Variants in PPM1L observed in about 807,000 individuals in gnomAD.
The protein encoded by PPM1L is protein phosphatase, Mg2+/Mn2+ dependent 1L.
A neutral mutation model predicts 31.4 loss-of-function variants in PPM1L; 13 were observed. That is an observed-to-expected ratio of 0.41 (90% CI 0.27 to 0.66). The LOEUF is 0.66. Among genes scored for constraint, PPM1L ranks in the 30% least tolerant of loss-of-function variants. PPM1L has a pLI of 0.29. For synonymous variants in PPM1L, 184 were observed against 175.4 expected (o/e 1.05, Z -0.39); for missense variants, 326 against 453.7 (o/e 0.72, Z 2.56).
intron 2 of PPM1L, among the ~76,000 whole-genome samples, chr3:160,978,646 A>G (rs1397214829): frequency 6.6e-6 from 1 of 152,036 alleles, no homozygotes; most frequent in Non-Finnish European, 1.5e-5. Context: ...CCTGGGTAAC[A>G]TGGTGAAACC....
At chr3:160,992,352 C>T (rs138637878) in intron 2 of PPM1L, among the ~76,000 whole-genome samples, 182 of 152,212 alleles carry the variant, frequency 1.2e-3, no homozygotes, top group Non-Finnish European at 2.1e-3. Context: ...ACAGAGGACA[C>T]GAACACCATT....
intron 1 of PPM1L, among the ~76,000 whole-genome samples, chr3:160,957,419 A>G (rs2108104207): frequency 6.6e-6 from 1 of 152,306 alleles, no homozygotes; most frequent in South Asian, 2.1e-4. Flanking sequence ...GTATATACCC[A>G]GTAATGGGAT....
At chr3:160,915,227 A>G (rs1267710740) in intron 1 of PPM1L, among the ~76,000 whole-genome samples, 1 of 152,198 alleles carries the variant, frequency 6.6e-6, no homozygotes, top group Admixed American at 6.5e-5. Flanking sequence ...ATACAAAATC[A>G]ATGTGCAAAA....
At chr3:160,811,760 C>G (rs1712813038) in intron 1 of PPM1L, among the ~76,000 whole-genome samples, 1 of 152,102 alleles carries the variant, frequency 6.6e-6, no homozygotes, top group Non-Finnish European at 1.5e-5. Context: ...CTCTCTAAGC[C>G]CCAGAGTCCT....
At chr3:160,968,252 A>G (rs933223161) in intron 2 of PPM1L, among the ~76,000 whole-genome samples, 14 of 152,228 alleles carry the variant, frequency 9.2e-5, no homozygotes, top group African/African-American at 3.4e-4. Flanking sequence ...AATACTAAGC[A>G]AAATCCAGAG....
chr3:160,765,432 C>T (rs1388358370), intron 1 of PPM1L, among the ~76,000 whole-genome samples: 1 of 152,176 alleles, frequency 6.6e-6, no homozygotes, highest in African/African-American at 2.4e-5. Flanking sequence ...AGTTGTGTCT[C>T]TGTGACAGGT....
chr3:160,856,715 A>G (rs1711717361), intron 1 of PPM1L, among the ~76,000 whole-genome samples: 1 of 152,010 alleles, frequency 6.6e-6, no homozygotes, highest in African/African-American at 2.4e-5. Flanking sequence ...CATGCTTATT[A>G]CCTGGTGATG....
intron 1 of PPM1L, among the ~76,000 whole-genome samples, chr3:160,793,661 T>TG (rs2108074195): frequency 6.6e-6 from 1 of 152,296 alleles, no homozygotes; most frequent in South Asian, 2.1e-4. Flanking sequence ...AGGTGAACTT[T>TG]GGGGATATGA....
chr3:160,847,943 C>T (rs1382315648), intron 1 of PPM1L, among the ~76,000 whole-genome samples: 1 of 152,120 alleles, frequency 6.6e-6, no homozygotes, highest in Non-Finnish European at 1.5e-5. Context: ...GTGTTTCTGA[C>T]TCTGTCCTCT....
At position 160,979,584 on chromosome 3, in the gene PPM1L, C is replaced by A. The variant is rs190373613; in HGVS notation, c.574+17674C>A. ...GAATGAAATAACATTATTCAATGAC[C>A]TGCTATATGTAAAAATTAGTTACCT... On this transcript the variant is annotated intron_variant, in intron 2 of 3. Coordinates refer to ENST00000498165, the MANE Select transcript of PPM1L (RefSeq NM_139245.4). Among the ~76,000 whole-genome samples the A allele has an allele frequency of 1.2e-3, 181 of 152,044 alleles. 2 individuals carry two copies. Among genetic ancestry groups the A allele is most frequent in the Non-Finnish European group, 2.0e-3 (134 of 67,970 alleles).
At chr3:160,874,260 G>A (rs1236863567) in intron 1 of PPM1L, among the ~76,000 whole-genome samples, 1 of 152,140 alleles carries the variant, frequency 6.6e-6, no homozygotes, top group Non-Finnish European at 1.5e-5. Context: ...TTTAGCAGTG[G>A]TGGTGTTGAG....
chr3:160,881,845 A>G (rs1443597869), intron 1 of PPM1L, among the ~76,000 whole-genome samples: 2 of 152,086 alleles, frequency 1.3e-5, no homozygotes, highest in Non-Finnish European at 2.9e-5. Flanking sequence ...AGGTCAGGAG[A>G]TTGAGACCAT....
chr3:160,912,337 T>G (rs1363132096), intron 1 of PPM1L, among the ~76,000 whole-genome samples: 1 of 152,222 alleles, frequency 6.6e-6, no homozygotes, highest in Non-Finnish European at 1.5e-5. Flanking sequence ...CTTTTATATC[T>G]GTTGGTGTTG....
At chr3:161,017,821 A>G (rs1267199968) in intron 2 of PPM1L, among the ~76,000 whole-genome samples, 1 of 152,180 alleles carries the variant, frequency 6.6e-6, no homozygotes, top group African/African-American at 2.4e-5. Context: ...GAGTAGGGAA[A>G]TACAGGGGAA....
intron 1 of PPM1L, among the ~76,000 whole-genome samples, chr3:160,763,826 A>G (rs1036369840): frequency 6.6e-6 from 1 of 152,158 alleles, no homozygotes; most frequent in Non-Finnish European, 1.5e-5. Context: ...AGCGTGGGCC[A>G]TTGTTGAAAG....
chr3:160,892,109 G>T (rs571608673), intron 1 of PPM1L, among the ~76,000 whole-genome samples: 2 of 151,988 alleles, frequency 1.3e-5, no homozygotes, highest in Non-Finnish European at 2.9e-5. Context: ...ACAAACCTGC[G>T]CGTTCTTCAC....
intron 1 of PPM1L, among the ~76,000 whole-genome samples, chr3:160,852,820 C>T (rs547516432): frequency 6.6e-6 from 1 of 152,254 alleles, no homozygotes; most frequent in African/African-American, 2.4e-5. Flanking sequence ...TTTATTTCTT[C>T]TAGAGTTCAC....
rs1713935541 is a variant in PPM1L, at chr3:160,842,971, C to G, written c.399+86264C>G. 2.6e-5 allele frequency among the ~76,000 whole-genome samples: 4 copies of G among 152,260 alleles called. No homozygotes were observed. In the South Asian group the frequency reaches 8.3e-4, roughly 32 times the overall value. ...CTTATTCTTTTAGACCCAAAAATCT[C>G]AGAGCCAAGAATATTTAGATTCCCT... is the stretch of plus-strand genomic sequence containing the variant. On this transcript the variant is annotated intron_variant, in intron 1 of 3. Coordinates refer to ENST00000498165, the MANE Select transcript of PPM1L (RefSeq NM_139245.4).
intron 1 of PPM1L, among the ~76,000 whole-genome samples, chr3:160,909,043 T>C (rs1025484587): frequency 6.6e-6 from 1 of 152,164 alleles, no homozygotes; most frequent in Non-Finnish European, 1.5e-5. Context: ...GAAGATTAGG[T>C]TGCCAAGAGA....
Sources: allele counts gnomAD v4.1 joint callset (sites outside exome capture counted in the v4.1 genomes callset), GRCh38; gene constraint gnomAD v4.1.1; transcripts MANE v1.5; gene names NCBI Gene and HGNC (gene_info 2026-07-23, HGNC 2026-07-21).